The following RAB11FIP4 variants were observed in gnomAD, a reference collection of about 807,000 sequenced individuals.
The protein encoded by RAB11FIP4 is rab11 family-interacting protein 4.
In RAB11FIP4, 23 loss-of-function variants were observed where a neutral mutation model predicts 74.3. The ratio of observed to expected loss-of-function variants is 0.31; its 90% CI spans 0.22 to 0.44. The LOEUF (loss-of-function observed/expected upper bound fraction) is 0.44, where lower values mean the gene tolerates loss of function less well. Among genes scored for constraint, RAB11FIP4 ranks in the 20% least tolerant of loss-of-function variants. The pLI is 1.00. For missense variants in RAB11FIP4, 630 were observed against 863.9 expected (o/e 0.73, Z 3.39); for synonymous variants, 360 against 359.9 (o/e 1.00, Z 0.00).
At chr17:31,396,209 AAAAGAAAAG>A (rs1397351740) in intron 1 of RAB11FIP4, among the ~76,000 whole-genome samples, 50 of 111,282 alleles carry the variant, frequency 4.5e-4, no homozygotes, top group East Asian at 1.6e-3. Flanking sequence ...AAAAGAAAAG[AAAAGAAAAG>A]AAAGAAATGC....
intron 3 of RAB11FIP4, among the ~76,000 whole-genome samples, chr17:31,450,572 T>A (rs2071517033): frequency 1.3e-5 from 2 of 151,996 alleles, no homozygotes. Flanking sequence ...CTCGATCTCC[T>A]GGCCTCAAGT....
intron 3 of RAB11FIP4, among the ~76,000 whole-genome samples, chr17:31,504,704 C>G (rs1196274647): frequency 6.6e-6 from 1 of 152,152 alleles, no homozygotes; most frequent in Non-Finnish European, 1.5e-5. Flanking sequence ...AAGCATAATT[C>G]CCTAATATCA....
At chr17:31,454,051 G>A (rs372730701) in intron 3 of RAB11FIP4, among the ~76,000 whole-genome samples, 9 of 148,258 alleles carry the variant, frequency 6.1e-5, no homozygotes, top group African/African-American at 2.2e-4. Context: ...AGAAAAGTCA[G>A]CCCCTGGGCA....
At chr17:31,495,366 ATTTTTTTTTTTTT>A (rs3058694) in intron 3 of RAB11FIP4, among the ~76,000 whole-genome samples, 2 of 83,146 alleles carry the variant, frequency 2.4e-5, no homozygotes, top group Non-Finnish European at 5.0e-5. Flanking sequence ...CACTTGACTG[ATTTTTTTTTTTTT>A]TTTTTTTTTT....
chr17:31,523,294 GC>G, intron 7 of RAB11FIP4: 1 of 585,926 alleles, frequency 1.7e-6, no homozygotes, highest in South Asian at 2.0e-5. Context: ...GGCTGTGTCT[GC>G]CAGGGGACCC....
At chr17:31,419,428 C>A (rs1484396047) in intron 1 of RAB11FIP4, among the ~76,000 whole-genome samples, 2 of 151,892 alleles carry the variant, frequency 1.3e-5, no homozygotes, top group Non-Finnish European at 2.9e-5. Flanking sequence ...GCTGAATAAA[C>A]CCCATTCGGC....
intron 1 of RAB11FIP4, among the ~76,000 whole-genome samples, chr17:31,426,525 T>C (rs1305512628): frequency 6.6e-6 from 1 of 152,150 alleles, no homozygotes; most frequent in African/African-American, 2.4e-5. Flanking sequence ...TGGTTGATGG[T>C]ATGTATTGGT....
chr17:31,504,775 G>A (rs1014148196), intron 3 of RAB11FIP4, among the ~76,000 whole-genome samples: 1 of 152,120 alleles, frequency 6.6e-6, no homozygotes, highest in Middle Eastern at 3.4e-3. Context: ...TTTACAGCTG[G>A]TGGTGGTTTG....
At chr17:31,488,260 T>A in intron 3 of RAB11FIP4, 1 of 1,171,874 alleles carries the variant, frequency 8.5e-7, no homozygotes, top group Non-Finnish European at 1.1e-6. Flanking sequence ...CCCCGCCAGC[T>A]CTCGGGAGCC....
intron 3 of RAB11FIP4, chr17:31,487,979 C>A: frequency 2.1e-6 from 2 of 952,264 alleles, no homozygotes; most frequent in Non-Finnish European, 2.5e-6. Context: ...CCCGCCCCGC[C>A]CCGGCGCGAG....
intron 13 of RAB11FIP4, among the ~76,000 whole-genome samples, chr17:31,529,229 C>T (rs1256162130): frequency 6.6e-6 from 1 of 151,398 alleles, no homozygotes; most frequent in Admixed American, 6.6e-5. Flanking sequence ...TCCCTAGTAA[C>T]TAGGACTACA....
chr17:31,521,978 C>T lies in RAB11FIP4; in HGVS notation c.822C>T (p.Cys274=). Residue 274 remains cysteine, a synonymous_variant, in exon 6 of 15, where the codon TGC becomes TGT. Transcript: ENST00000621161. ...VYNSELLDVY[C]SQCCKKINLL... ...ACAGCGAATTGCTAGATGTTTACTG[C>T]TCTCAATGCTGCAAGAAAATCAACC... 1 of 1,614,196 alleles carries T rather than the reference C, an allele frequency of 6.2e-7. No individual in the cohort carries two copies. The highest frequency in any genetic ancestry group is 8.5e-7 in the Non-Finnish European group (1 of 1,180,052).
intron 3 of RAB11FIP4, among the ~76,000 whole-genome samples, chr17:31,466,179 C>A (rs1183515577): frequency 6.6e-6 from 1 of 151,910 alleles, no homozygotes; most frequent in Non-Finnish European, 1.5e-5. Context: ...CCTGACTAAT[C>A]TACTTCATTT....
At chr17:31,423,670 A>G (rs969207487) in intron 1 of RAB11FIP4, among the ~76,000 whole-genome samples, 3 of 152,162 alleles carry the variant, frequency 2.0e-5, no homozygotes, top group African/African-American at 7.2e-5. Flanking sequence ...TACATACTCC[A>G]GGGGCCAGTC....
intron 3 of RAB11FIP4, chr17:31,509,153 A>C (rs999724): frequency 0.69 from 105,919 of 152,534 alleles, 37,383 homozygotes; most frequent in African/African-American, 0.83. Context: ...CTCAGTCTCC[A>C]CATCTTCAAG....
At chr17:31,433,595 G>GT (rs1255715084) in intron 2 of RAB11FIP4, among the ~76,000 whole-genome samples, 3 of 152,220 alleles carry the variant, frequency 2.0e-5, no homozygotes, top group African/African-American at 7.2e-5. Flanking sequence ...AACTGCAGCT[G>GT]TCCTGCGGGC....
chr17:31,424,264 T>G (rs985322791), intron 1 of RAB11FIP4, among the ~76,000 whole-genome samples: 1 of 152,152 alleles, frequency 6.6e-6, no homozygotes, highest in Non-Finnish European at 1.5e-5. Flanking sequence ...GTCAGGGTTT[T>G]TAGTTATAAT....
intron 3 of RAB11FIP4, among the ~76,000 whole-genome samples, chr17:31,497,236 C>A (rs748394122): frequency 6.6e-6 from 1 of 152,030 alleles, no homozygotes; most frequent in South Asian, 2.1e-4. Context: ...TGGTGGCAGG[C>A]GCCTGTAATC....
rs74836612 is a variant in RAB11FIP4, at chr17:31,397,042, G to A, written c.159+5031G>A. On this transcript the variant is annotated intron_variant, in intron 1 of 14. Transcript: ENST00000621161. Reference sequence around the variant, plus strand: ...TGGGGTGCTAGGATGGGCTGAGACCGGCCAGGAGCCAGCCCTGGGGCTGGG... The same window carrying A: ...TGGGGTGCTAGGATGGGCTGAGACCAGCCAGGAGCCAGCCCTGGGGCTGGG... 7.8e-3 allele frequency among the ~76,000 whole-genome samples: 1,194 copies of A among 152,246 alleles called. 11 individuals are homozygous for A. The highest frequency in any genetic ancestry group is 0.025 in the African/African-American group (1,059 of 41,544).
Sources: gnomAD v4.1 joint callset for allele counts (sites outside exome capture counted in the v4.1 genomes callset) on GRCh38, gnomAD v4.1.1 for gene constraint, MANE v1.5 for transcripts, NCBI Gene and HGNC (gene_info 2026-07-23, HGNC 2026-07-21) for gene names.